Variants in WWP2 observed in about 807,000 individuals in gnomAD.
WWP2 encodes NEDD4-like E3 ubiquitin-protein ligase WWP2.
WWP2 carries 57 observed loss-of-function variants against 121.0 expected under a neutral mutation model. That is an observed-to-expected ratio of 0.47 (90% CI 0.38 to 0.59). WWP2 has a LOEUF of 0.59. Among genes scored for constraint, WWP2 ranks in the 20% least tolerant of loss-of-function variants. The pLI is 0.00. For synonymous variants in WWP2, 449 were observed against 441.3 expected, an observed-to-expected ratio of 1.02 and a Z score of -0.22; for missense variants, 962 against 1,158.9, an observed-to-expected ratio of 0.83 and a Z score of 2.47.
chr16:69,865,915 G>A (rs1394296805), intron 6 of WWP2, among the ~76,000 whole-genome samples: 3 of 152,204 alleles, frequency 2.0e-5, no homozygotes, highest in Non-Finnish European at 4.4e-5. Context: ...CCACAAAAGG[G>A]AAGGCAGCGT....
At chr16:69,894,242 A>AC (rs1555500797) in intron 8 of WWP2, among the ~76,000 whole-genome samples, 1 of 132,080 alleles carries the variant, frequency 7.6e-6, no homozygotes, top group Non-Finnish European at 1.6e-5. Context: ...TACCCAGGCT[A>AC]TTTTTTTTTT....
chr16:69,926,419 G>A (rs1260893699), intron 11 of WWP2, among the ~76,000 whole-genome samples: 1 of 152,136 alleles, frequency 6.6e-6, no homozygotes, highest in African/African-American at 2.4e-5. Context: ...AACTGGGAGG[G>A]GGTGCGCTCG....
chr16:69,784,641 A>T (rs1192387826), intron 1 of WWP2, among the ~76,000 whole-genome samples: 2 of 152,162 alleles, frequency 1.3e-5, no homozygotes, highest in Non-Finnish European at 2.9e-5. Context: ...TTGACTCCTG[A>T]GCACGTGTTT....
At chr16:69,915,397 C>T (rs942456111) in intron 9 of WWP2, among the ~76,000 whole-genome samples, 4 of 152,026 alleles carry the variant, frequency 2.6e-5, no homozygotes, top group South Asian at 2.1e-4. Context: ...AGTCCATAAG[C>T]GATAGCAAAT....
At chr16:69,827,796 G>A (rs1264375762) in intron 4 of WWP2, 8 of 434,864 alleles carry the variant, frequency 1.8e-5, no homozygotes, top group Non-Finnish European at 3.2e-5. Context: ...CCCTCCCCTC[G>A]GAGATGAGGA....
At position 69,937,779 on chromosome 16, in the gene WWP2, A is replaced by G. The variant is rs2058822083; in HGVS notation, c.2343+127A>G. 11 of 832,664 alleles carry G rather than the reference A, an allele frequency of 1.3e-5. No homozygotes were observed. Among genetic ancestry groups the G allele is most frequent in the Non-Finnish European group, 1.7e-5 (9 of 528,858 alleles). 51.6% of individuals were successfully genotyped at this position (832,664 alleles called of 1,614,324 possible). A position where few individuals can be genotyped will look rare whatever the true frequency, so the allele number is the denominator to read the frequency against. On this transcript the variant is annotated intron_variant, in intron 21 of 23. Coordinates refer to ENST00000359154, the MANE Select transcript of WWP2 (RefSeq NM_001270454.2). The surrounding 1 kb of genome is among the most constrained non-coding windows in gnomAD (Gnocchi z 6.6). ...TGTCCTTGCCTCCCACACCTTGCAA[A>G]AGGAGACGATAGACCAGCCTTGGGA...
intron 10 of WWP2, among the ~76,000 whole-genome samples, chr16:69,924,598 G>A (rs533035089): frequency 6.6e-6 from 1 of 151,924 alleles, no homozygotes; most frequent in East Asian, 1.9e-4. Flanking sequence ...GGTGTGGGGG[G>A]GATTCTAATG....
rs771044009 is a variant in WWP2 at position 69,931,259 on chromosome 16, T to C, written c.1521+32T>C. On this transcript the variant is annotated intron_variant, in intron 14 of 23. Coordinates refer to ENST00000359154, the MANE Select transcript of WWP2 (RefSeq NM_001270454.2). Reference sequence around the variant, plus strand: ...TCTGGTACTGGGGCTCCCGTGGCAGTTGGGGTTATTGAGTTATTTCAGTGT... The same window carrying C: ...TCTGGTACTGGGGCTCCCGTGGCAGCTGGGGTTATTGAGTTATTTCAGTGT... 14 of 1,612,150 alleles carry C rather than the reference T, an allele frequency of 8.7e-6. No individual in the cohort carries two copies. In the Admixed American group the frequency reaches 2.3e-4, roughly 27 times the overall value.
At chr16:69,765,085 A>T (rs2038698549) in intron 1 of WWP2, among the ~76,000 whole-genome samples, 1 of 151,872 alleles carries the variant, frequency 6.6e-6, no homozygotes. Flanking sequence ...CCGCCTGGCT[A>T]CTCAGGAGGC....
At position 69,888,132 on chromosome 16, in the gene WWP2, A is replaced by G. The variant is rs756144699; in HGVS notation, c.797A>G (p.Asn266Ser). The change falls in exon 8 of 24, where the codon AAT becomes AGT. Residue 266 changes from asparagine (N) to serine (S), a missense_variant. Physicochemically the swap from Asn to Ser is conservative, Grantham distance 46 (BLOSUM62 1). Around this residue, in one of 3 missense-constraint regions of WWP2, gnomAD observed 211 missense variants for 196.5 expected, o/e 1.07. Transcript: ENST00000359154. ...PPAAPLSVTP[N>S]PNTTSLPAPA... ...GCTGCACCCTTGAGTGTGACCCCGA[A>G]TCCCAACACGACTTCTCTCCCTGCC... The G allele has an allele frequency of 4.3e-6, 7 of 1,614,152 alleles. No homozygotes were observed. Among genetic ancestry groups the G allele is most frequent in the South Asian group, 1.1e-5 (1 of 91,076 alleles).
intron 1 of WWP2, among the ~76,000 whole-genome samples, chr16:69,779,400 C>T (rs1374680226): frequency 2.0e-5 from 3 of 152,206 alleles, no homozygotes; most frequent in Admixed American, 2.0e-4. Context: ...GTTATATAAG[C>T]AGTGGACTGC....
rs137979638 is a variant in WWP2 at position 69,833,508 on chromosome 16, C to T, written c.341-6618C>T. ...TTTTAAAGGGCTGTCTTTCAAAGGGCACAGTCCCTGGGGACTTCCCAGAGT... is the reference window on the plus strand; with the variant it reads ...TTTTAAAGGGCTGTCTTTCAAAGGGTACAGTCCCTGGGGACTTCCCAGAGT... On this transcript the variant is annotated intron_variant, in intron 4 of 23. Transcript: ENST00000359154. Among the ~76,000 whole-genome samples the T allele has an allele frequency of 1.9e-3, 293 of 152,354 alleles. 4 individuals are homozygous for T. Among genetic ancestry groups the T allele is most frequent in the African/African-American group, 6.8e-3 (282 of 41,578 alleles).
intron 4 of WWP2, among the ~76,000 whole-genome samples, chr16:69,803,815 G>A (rs1213670218): frequency 6.6e-6 from 1 of 152,056 alleles, no homozygotes; most frequent in Non-Finnish European, 1.5e-5. Flanking sequence ...GTCTGAGGCC[G>A]GGGAGTCACT....
chr16:69,863,589 C>T (rs143441642), intron 6 of WWP2, among the ~76,000 whole-genome samples: 6 of 152,196 alleles, frequency 3.9e-5, no homozygotes, highest in South Asian at 2.1e-4. Context: ...TGTAGTGAGC[C>T]GAGATTGCGC....
chr16:69,930,084 CAG>C (rs1224169815), intron 12 of WWP2, 44 bp from the exon 13 acceptor site: 1 of 1,612,568 alleles, frequency 6.2e-7, no homozygotes, highest in Non-Finnish European at 8.5e-7. Context: ...CACCAAGGTC[CAG>C]AAGGTGGGGC....
At chr16:69,766,432 A>G (rs2038732291) in intron 1 of WWP2, among the ~76,000 whole-genome samples, 3 of 152,098 alleles carry the variant, frequency 2.0e-5, no homozygotes, top group African/African-American at 7.2e-5. Context: ...CCACTGCCCA[A>G]CTCAAACCCT....
At chr16:69,809,784 G>C (rs1039168993) in intron 4 of WWP2, among the ~76,000 whole-genome samples, 2 of 150,896 alleles carry the variant, frequency 1.3e-5, no homozygotes, top group African/African-American at 4.9e-5. Context: ...GAAAGAGAGA[G>C]AGAGACAGAG....
chr16:69,851,727 T>C (rs1239756215), intron 6 of WWP2, among the ~76,000 whole-genome samples: 1 of 152,018 alleles, frequency 6.6e-6, no homozygotes, highest in Non-Finnish European at 1.5e-5. Context: ...ATGCCTGTAA[T>C]CCTAGCACTG....
At chr16:69,896,122 C>T (rs936833134) in intron 8 of WWP2, among the ~76,000 whole-genome samples, 1 of 152,204 alleles carries the variant, frequency 6.6e-6, no homozygotes, top group Middle Eastern at 3.4e-3. Context: ...TTCTACTGCA[C>T]TTTCTTTCCT....
Sources: gnomAD v4.1 joint callset for allele counts (sites outside exome capture counted in the v4.1 genomes callset) on GRCh38, gnomAD v4.1.1 for gene constraint, gnomAD v4.1.1 regional missense constraint, Gnocchi (gnomAD v3.1) non-coding constraint, MANE v1.5 for transcripts, NCBI Gene and HGNC (gene_info 2026-07-23, HGNC 2026-07-21) for gene names.